WSCD2: variants seen among roughly 807,000 people sequenced by gnomAD.
WSCD2 encodes sialate:O-sulfotransferase 2.
WSCD2 carries 28 observed loss-of-function variants against 55.7 expected under a neutral mutation model. The observed-to-expected ratio is 0.50, with a 90% CI of 0.37 to 0.69. The LOEUF (loss-of-function observed/expected upper bound fraction) is 0.69, where lower values mean the gene tolerates loss of function less well. Among genes scored for constraint, WSCD2 ranks in the 30% least tolerant of loss-of-function variants. WSCD2 has a pLI of 0.00. For missense variants in WSCD2, 616 were observed against 762.1 expected, an observed-to-expected ratio of 0.81 and a Z score of 2.26; for synonymous variants, 301 against 301.9, an observed-to-expected ratio of 1.00 and a Z score of 0.03.
At position 108,129,303 on chromosome 12, in the gene WSCD2, T is replaced by TGGC. The variant is rs1184055794; in HGVS notation, c.-1165_-1163dup. On this transcript the variant is annotated 5_prime_UTR_variant, in exon 1 of 9. Coordinates refer to ENST00000547525, the MANE Select transcript of WSCD2 (RefSeq NM_014653.4). ...GCGCCGGGCTGAGGCGCGCTGCTGG[T>TGGC]GGCGGCGGCGGCAGCGGCGCGGGAG... Among the ~76,000 whole-genome samples, 3 of 151,956 alleles carry TGGC rather than the reference T, an allele frequency of 2.0e-5. No homozygotes were observed. Among genetic ancestry groups the TGGC allele is most frequent in the South Asian group, 2.1e-4 (1 of 4,824 alleles).
rs182439387 is a variant in WSCD2, at chr12:108,233,092, G to T, written c.1144+197G>T. Reference sequence around the variant, plus strand: ...GCCCCACAAACATTTCTTAAGTCATGTCCTGGATACTCCACTAGCATCCAT... The same window carrying T: ...GCCCCACAAACATTTCTTAAGTCATTTCCTGGATACTCCACTAGCATCCAT... On this transcript the variant is annotated intron_variant, in intron 7 of 8. Transcript: ENST00000547525. 286 of 628,300 alleles carry T rather than the reference G, an allele frequency of 4.6e-4. 3 individuals are homozygous for T. The highest frequency in any genetic ancestry group is 4.5e-5 in the Non-Finnish European group (17 of 375,366). 38.9% of individuals were successfully genotyped at this position (628,300 alleles called of 1,614,324 possible). A position where few individuals can be genotyped will look rare whatever the true frequency, so the allele number is the denominator to read the frequency against.
At chr12:108,219,219 A>G (rs951055275) in intron 4 of WSCD2, among the ~76,000 whole-genome samples, 1 of 152,226 alleles carries the variant, frequency 6.6e-6, no homozygotes, top group African/African-American at 2.4e-5. Context: ...TTTGATGCAC[A>G]ACCACACAAG....
intron 7 of WSCD2, among the ~76,000 whole-genome samples, chr12:108,236,581 A>C: frequency 1.5e-5 from 2 of 132,110 alleles, no homozygotes; most frequent in African/African-American, 2.9e-5. Context: ...TCTCTCTCTC[A>C]TTCTCTCTCT....
At chr12:108,134,352 T>C (rs774884746) in intron 1 of WSCD2, among the ~76,000 whole-genome samples, 1 of 152,200 alleles carries the variant, frequency 6.6e-6, no homozygotes, top group Non-Finnish European at 1.5e-5. Flanking sequence ...GTGACCAGGT[T>C]TGGCCATTAG....
chr12:108,210,370 G>T lies in WSCD2; in HGVS notation c.682+65G>T. 1.3e-6 allele frequency: 2 copies of T among 1,506,332 alleles called. No individual in the cohort carries two copies. The highest frequency in any genetic ancestry group is 4.9e-5 in the East Asian group (2 of 40,930). 93.3% of individuals were successfully genotyped at this position (1,506,332 alleles called of 1,614,324 possible). The stretch of plus-strand genomic sequence containing the variant: ...TCAGCTGCAGCCCTTGCCCACCAAA[G>T]AGTCCCACATGTCTGCCCTGTACCC... On this transcript the variant is annotated intron_variant, in intron 4 of 8. Transcript: ENST00000547525. This position sits in a 1 kb window ranked among gnomAD's most constrained non-coding sequence, Gnocchi z 4.3.
chr12:108,144,051 C>T (rs551344231), intron 1 of WSCD2, among the ~76,000 whole-genome samples: 16 of 152,098 alleles, frequency 1.1e-4, no homozygotes, highest in South Asian at 6.2e-4. Context: ...GGATGGTCCA[C>T]ATATCTTGAT....
chr12:108,151,378 A>T (rs1398806662), intron 1 of WSCD2, among the ~76,000 whole-genome samples: 5 of 152,244 alleles, frequency 3.3e-5, no homozygotes, highest in African/African-American at 1.2e-4. Context: ...AGAGGGGGAA[A>T]AATTGGCCCC....
intron 4 of WSCD2, among the ~76,000 whole-genome samples, chr12:108,211,665 A>ATATATATATATTTT (rs1565970125): frequency 6.8e-6 from 1 of 147,694 alleles, no homozygotes; most frequent in African/African-American, 2.5e-5. Context: ...ATATATATAT[A>ATATATATATATTTT]TTTTTTGAGA....
At chr12:108,130,156 C>T (rs1172827304) in intron 1 of WSCD2, among the ~76,000 whole-genome samples, 2 of 152,182 alleles carry the variant, frequency 1.3e-5, no homozygotes, top group African/African-American at 2.4e-5. Flanking sequence ...TGGGACATTC[C>T]GGCTCATCCA....
chr12:108,168,041 G>T (rs1285898929), intron 1 of WSCD2, among the ~76,000 whole-genome samples: 1 of 152,206 alleles, frequency 6.6e-6, no homozygotes, highest in Non-Finnish European at 1.5e-5. Context: ...CTCAGCAATG[G>T]AGCAGGATTG....
At chr12:108,171,329 A>T (rs1005102799) in intron 1 of WSCD2, among the ~76,000 whole-genome samples, 5 of 63,448 alleles carry the variant, frequency 7.9e-5, no homozygotes, top group Non-Finnish European at 1.4e-4. Context: ...GGAGGAACGA[A>T]GAAGTCAAGA....
intron 8 of WSCD2, among the ~76,000 whole-genome samples, chr12:108,244,335 C>T (rs1427349363): frequency 2.0e-5 from 3 of 152,092 alleles, no homozygotes; most frequent in Non-Finnish European, 4.4e-5. Flanking sequence ...GGAAGCATTG[C>T]CATAGGAGGG....
chr12:108,152,610 G>A lies in WSCD2; in HGVS notation c.-552+22684G>A, dbSNP rs369470147. ...TAAAGATGAGTCCCAGGAATTAACC[G>A]GGGCCATCCCAGAAGCCCGAGGGGC... On this transcript the variant is annotated intron_variant, in intron 1 of 8. Coordinates refer to ENST00000547525, the MANE Select transcript of WSCD2 (RefSeq NM_014653.4). 4.6e-5 allele frequency among the ~76,000 whole-genome samples: 7 copies of A among 152,278 alleles called. No individual in the cohort carries two copies. In the East Asian group the frequency reaches 7.7e-4, roughly 17 times the overall value.
At chr12:108,134,471 T>A (rs1444740043) in intron 1 of WSCD2, among the ~76,000 whole-genome samples, 1 of 152,152 alleles carries the variant, frequency 6.6e-6, no homozygotes, top group African/African-American at 2.4e-5. Context: ...GGCCCTAGAA[T>A]GGGCACATGT....
intron 7 of WSCD2, among the ~76,000 whole-genome samples, chr12:108,234,632 T>G (rs1889106725): frequency 6.6e-6 from 1 of 152,198 alleles, no homozygotes; most frequent in South Asian, 2.1e-4. Context: ...TGTGCTTCCT[T>G]GTGGGAGCTG....
intron 4 of WSCD2, among the ~76,000 whole-genome samples, chr12:108,221,255 C>T (rs988995987): frequency 6.6e-6 from 1 of 152,100 alleles, no homozygotes; most frequent in African/African-American, 2.4e-5. Context: ...AAATCTTTAG[C>T]TCAAATGCCC....
At chr12:108,188,904 C>T (rs1404400525) in intron 1 of WSCD2, among the ~76,000 whole-genome samples, 2 of 152,212 alleles carry the variant, frequency 1.3e-5, no homozygotes, top group African/African-American at 4.8e-5. Context: ...GGGCAAGTTA[C>T]TTAATCTCTG....
Position 108,164,877 on chromosome 12 carries a change from T to C in WSCD2, c.-551-30405T>C, listed in dbSNP as rs61419421. Among the ~76,000 whole-genome samples, 37 of 152,238 alleles carry C rather than the reference T, an allele frequency of 2.4e-4. No homozygotes were observed. The East Asian group carries it at 6.6e-3, about 27-fold the overall frequency. ...CATCTGACCTGATGGGTTTCAGAGATGTGATGTAGGAGAAGGTGGGGACAA... is the reference window on the plus strand; with the variant it reads ...CATCTGACCTGATGGGTTTCAGAGACGTGATGTAGGAGAAGGTGGGGACAA... On this transcript the variant is annotated intron_variant, in intron 1 of 8. Coordinates refer to ENST00000547525, the MANE Select transcript of WSCD2 (RefSeq NM_014653.4).
chr12:108,214,328 G>A (rs1364898578), intron 4 of WSCD2, among the ~76,000 whole-genome samples: 3 of 152,320 alleles, frequency 2.0e-5, no homozygotes, highest in African/African-American at 7.2e-5. Context: ...TTTCTGAGGT[G>A]AGGTGATGGA....
Sources: allele counts gnomAD v4.1 joint callset (sites outside exome capture counted in the v4.1 genomes callset), GRCh38; gene constraint gnomAD v4.1.1; non-coding constraint Gnocchi (gnomAD v3.1); transcripts MANE v1.5; gene names NCBI Gene and HGNC (gene_info 2026-07-23, HGNC 2026-07-21).